FAM131C: variants seen among roughly 807,000 people sequenced by gnomAD.
FAM131C encodes protein FAM131C.
Under a neutral mutation model 29.8 loss-of-function variants are expected in FAM131C, and 14 were observed. The ratio of observed to expected loss-of-function variants is 0.47; its 90% confidence interval spans 0.31 to 0.73. The LOEUF (loss-of-function observed/expected upper bound fraction) is 0.73. Among genes scored for constraint, FAM131C ranks in the 30% least tolerant of loss-of-function variants. The pLI is 0.05. For missense variants in FAM131C, 252 were observed against 383.8 expected (o/e 0.66, Z 2.87); for synonymous variants, 86 against 157.8 (o/e 0.54, Z 3.41).
intron 1 of FAM131C, among the ~76,000 whole-genome samples, chr1:16,068,394 G>A (rs1415663596): frequency 2.0e-5 from 3 of 152,334 alleles, no homozygotes; most frequent in Middle Eastern, 3.4e-3. Flanking sequence ...AGCAGCAGCC[G>A]CTCCACCCCT....
chr1:16,069,671 C>T (rs552590812), intron 1 of FAM131C, among the ~76,000 whole-genome samples: 1 of 152,300 alleles, frequency 6.6e-6, no homozygotes, highest in Admixed American at 6.5e-5. Flanking sequence ...CCTCTCTGTT[C>T]CATACAGACT....
intron 4 of FAM131C, among the ~76,000 whole-genome samples, chr1:16,061,686 G>A (rs865876353): frequency 5.3e-5 from 8 of 152,036 alleles, no homozygotes; most frequent in South Asian, 2.1e-4. Flanking sequence ...AGCCCCTTCC[G>A]AAGGCCCCTC....
rs1204868563 is a variant in FAM131C, at chr1:16,060,019, T to TTG, written c.299_300dup (p.Lys101GlnfsTer64). On this transcript the variant is annotated frameshift_variant, in exon 5 of 7. Transcript: ENST00000375662. LOFTEE classifies it high-confidence loss of function. ...CGGCCTCGGGCCATGGCCGTGGGCT[T>TTG]TGTGATGTGGTCCTTGATGCTCTGC... The TTG allele has an allele frequency of 6.6e-7, 1 of 1,516,846 alleles. No homozygotes were observed. The highest frequency in any genetic ancestry group is 2.4e-5 in the East Asian group (1 of 41,464). The allele number at this position is 1,516,846 out of a possible 1,614,324, so 94.0% of individuals were successfully genotyped here. A position where few individuals can be genotyped will look rare whatever the true frequency, so the allele number is the denominator to read the frequency against.
intron 4 of FAM131C, among the ~76,000 whole-genome samples, chr1:16,061,199 CCACT>C (rs1447376820): frequency 6.6e-6 from 1 of 152,130 alleles, no homozygotes; most frequent in Non-Finnish European, 1.5e-5. Context: ...TCCCTCCCAC[CCACT>C]AAGTTGGGGA....
Position 16,058,666 on chromosome 1 carries a change from T to C in FAM131C, c.614A>G (p.Asp205Gly). The change falls in exon 7 of 7, where the codon GAT becomes GGT. Residue 205 changes from aspartate to glycine, a missense_variant. By Grantham distance (94) the Asp-to-Gly change is moderately conservative (BLOSUM62 -1). Coordinates refer to ENST00000375662, the MANE Select transcript of FAM131C (RefSeq NM_182623.3). ...QDSLPSGPSQ[D>G]DSLQAFSSPS... Reference sequence around the variant, plus strand: ...CGAGGAGAAGGCCTGAAGGCTGTCATCCTGTGAGGGGCCGCTGGGAAGGCT... The same window carrying C: ...CGAGGAGAAGGCCTGAAGGCTGTCACCCTGTGAGGGGCCGCTGGGAAGGCT... The C allele has an allele frequency of 6.2e-7, 1 of 1,600,670 alleles. No individual in the cohort carries two copies. Among genetic ancestry groups the C allele is most frequent in the Non-Finnish European group, 8.5e-7 (1 of 1,175,204 alleles).
chr1:16,073,408 C>A lies in FAM131C; in HGVS notation c.22+13G>T. On this transcript the variant is annotated intron_variant, in intron 1 of 6. Coordinates refer to ENST00000375662, the MANE Select transcript of FAM131C (RefSeq NM_182623.3). ...GGCACCCGATCCCCCCGCCCCCGGC[C>A]GGGCCCCCTCACCTCGCGACACGCA... 1 of 1,209,376 alleles carries A rather than the reference C, an allele frequency of 8.3e-7. No individual in the cohort carries two copies. The highest frequency in any genetic ancestry group is 4.2e-5 in the South Asian group (1 of 24,042). 74.9% of individuals were successfully genotyped at this position (1,209,376 alleles called of 1,614,324 possible). A position where few individuals can be genotyped will look rare whatever the true frequency, so the allele number is the denominator to read the frequency against.
intron 1 of FAM131C, among the ~76,000 whole-genome samples, chr1:16,069,292 T>C (rs1255501411): frequency 5.3e-5 from 8 of 152,254 alleles, no homozygotes; most frequent in African/African-American, 1.9e-4. Flanking sequence ...GCTGTACCTC[T>C]CTCATCAGAC....
At chr1:16,073,325 C>G in intron 1 of FAM131C, 96 bp downstream of exon 1, 2 of 653,884 alleles carry the variant, frequency 3.1e-6, no homozygotes, top group Non-Finnish European at 2.1e-6. Context: ...CCGTGAAGGG[C>G]GGGTCGCCAG....
chr1:16,063,617 G>T lies in FAM131C; in HGVS notation c.42C>A (p.His14Gln), dbSNP rs770230252. The T allele has an allele frequency of 4.3e-6, 7 of 1,611,990 alleles. No homozygotes were observed. The highest frequency in any genetic ancestry group is 5.9e-6 in the Non-Finnish European group (7 of 1,178,856). The change falls in exon 2 of 7, where the codon CAC (histidine) becomes CAA (glutamine). Residue 14 changes from histidine to glutamine, a missense_variant. This residue lies in a region of FAM131C where 76 missense variants were observed against 62.8 expected (regional missense o/e 1.21). Coordinates refer to ENST00000375662, the MANE Select transcript of FAM131C (RefSeq NM_182623.3). ...CACCCTGGGGCATGGGGCAGTTCTT[G>T]TGGGCACTTGTGAACAGGTCTGGAA... is the stretch of plus-strand genomic sequence containing the variant. Reference protein sequence around the residue: ...CVSRDLFTSAHKNCPMPQGAD... With the variant: ...CVSRDLFTSAQKNCPMPQGAD...
chr1:16,067,557 G>A (rs568894605), intron 1 of FAM131C, among the ~76,000 whole-genome samples: 3 of 152,216 alleles, frequency 2.0e-5, no homozygotes, highest in South Asian at 2.1e-4. Flanking sequence ...ATGGCAACCT[G>A]GAGAGGGCCA....
At position 16,059,579 on chromosome 1, in the gene FAM131C, T is replaced by C. The variant is rs1435824461; in HGVS notation, c.477A>G (p.Thr159=). The change falls in exon 6 of 7, where the codon ACA becomes ACG. Residue 159 remains threonine (T), a synonymous_variant. Coordinates refer to ENST00000375662, the MANE Select transcript of FAM131C (RefSeq NM_182623.3). The part of the protein sequence containing the change: ...AAGVAEQFAI[T]EATLSAWSSL... ...AGGACCAAGCGCTCAGTGTGGCCTC[T>C]GTGATGGCAAACTGCTCGGCGACCC... The C allele has an allele frequency of 6.9e-6, 11 of 1,600,898 alleles. No individual in the cohort carries two copies. Among genetic ancestry groups the C allele is most frequent in the Non-Finnish European group, 7.7e-6 (9 of 1,171,746 alleles).
intron 1 of FAM131C, among the ~76,000 whole-genome samples, chr1:16,065,534 G>A (rs1201940660): frequency 2.0e-5 from 3 of 152,172 alleles, no homozygotes; most frequent in Non-Finnish European, 2.9e-5. Context: ...TTGCCCTGGC[G>A]CCCTGCATGG....
At chr1:16,065,426 A>G (rs899866040) in intron 1 of FAM131C, among the ~76,000 whole-genome samples, 4 of 152,206 alleles carry the variant, frequency 2.6e-5, no homozygotes, top group Non-Finnish European at 1.5e-5. Context: ...TCTGCCCGCC[A>G]GCGGAGGGAC....
chr1:16,059,533 G>A lies in FAM131C; in HGVS notation c.523C>T (p.His175Tyr), dbSNP rs1434755159. ...AWSSLDEEEL[H>Y]PENSPQGIVQ... The stretch of plus-strand genomic sequence containing the variant: ...ATGCCTTGGGGGCTGTTCTCGGGGT[G>A]CAGCTCCTCTTCGTCCAGCGAGGAC... The change falls in exon 6 of 7, where the codon CAC becomes TAC. Residue 175 changes from histidine (H) to tyrosine (Y), a missense_variant. By Grantham distance (83) the His-to-Tyr change is moderately conservative (BLOSUM62 2). Coordinates refer to ENST00000375662, the MANE Select transcript of FAM131C (RefSeq NM_182623.3). 5.6e-6 allele frequency: 9 copies of A among 1,608,760 alleles called. No individual in the cohort carries two copies. Among genetic ancestry groups the A allele is most frequent in the Non-Finnish European group, 7.6e-6 (9 of 1,178,010 alleles).
intron 4 of FAM131C, among the ~76,000 whole-genome samples, chr1:16,060,354 C>T (rs189790818): frequency 7.9e-6 from 1 of 125,984 alleles, no homozygotes. Context: ...TGTTCCCGCC[C>T]ACTGGATGCT....
rs1373772291 is a variant in FAM131C, at chr1:16,059,566, T to C, written c.490A>G (p.Ser164Gly). Residue 164 changes from serine (S) to glycine (G), a missense_variant, in exon 6 of 7, where the codon AGC becomes GGC. By Grantham distance (56) the Ser-to-Gly change is moderately conservative. This residue lies in a region of FAM131C where 33 missense variants were observed against 54.0 expected (regional missense o/e 0.61). Transcript: ENST00000375662. ...TCTTCGTCCAGCGAGGACCAAGCGC[T>C]CAGTGTGGCCTCTGTGATGGCAAAC... is the stretch of plus-strand genomic sequence containing the variant. ...EQFAITEATL[S>G]AWSSLDEEEL... The C allele has an allele frequency of 1.2e-6, 2 of 1,606,078 alleles. No individual in the cohort carries two copies. The highest frequency in any genetic ancestry group is 2.7e-5 in the African/African-American group (2 of 74,394).
chr1:16,065,270 C>A (rs996746945), intron 1 of FAM131C, among the ~76,000 whole-genome samples: 1 of 152,166 alleles, frequency 6.6e-6, no homozygotes. Context: ...TGCCTTCCCC[C>A]ACTCTCCCCG....
intron 2 of FAM131C, among the ~76,000 whole-genome samples, chr1:16,062,945 G>A (rs1448891910): frequency 1.3e-5 from 2 of 152,188 alleles, no homozygotes; most frequent in African/African-American, 4.8e-5. Context: ...TGCTTCGCAG[G>A]AGGGGTGTGC....
At chr1:16,065,504 T>C (rs917471659) in intron 1 of FAM131C, among the ~76,000 whole-genome samples, 1 of 152,210 alleles carries the variant, frequency 6.6e-6, no homozygotes, top group Non-Finnish European at 1.5e-5. Flanking sequence ...CCAATTCCCC[T>C]GGATTCCTTT....
Sources: gnomAD v4.1 joint callset for allele counts (sites outside exome capture counted in the v4.1 genomes callset) on GRCh38, gnomAD v4.1.1 for gene constraint, gnomAD v4.1.1 regional missense constraint, MANE v1.5 for transcripts, NCBI Gene and HGNC (gene_info 2026-07-23, HGNC 2026-07-21) for gene names.